The following NAPB variants were observed in gnomAD, a reference collection of about 807,000 sequenced individuals.
NAPB encodes NSF attachment protein beta.
A neutral mutation model predicts 44.7 loss-of-function variants in NAPB; 26 were observed. The observed-to-expected ratio is 0.58, with a 90% confidence interval of 0.43 to 0.81. NAPB has a LOEUF of 0.81. NAPB is among the 30% of genes least tolerant of loss of function. NAPB has a pLI of 0.00. For synonymous variants in NAPB, 120 were observed against 116.8 expected (o/e 1.03, Z -0.18); for missense variants, 315 against 356.4 (o/e 0.88, Z 0.94).
At chr20:23,407,093 A>C (rs1023451324) in intron 1 of NAPB, among the ~76,000 whole-genome samples, 1 of 152,210 alleles carries the variant, frequency 6.6e-6, no homozygotes, top group Non-Finnish European at 1.5e-5. Context: ...GTGACCTTTG[A>C]ACTTTGCTAA....
intron 1 of NAPB, among the ~76,000 whole-genome samples, chr20:23,415,909 T>C (rs1985975229): frequency 6.6e-6 from 1 of 152,120 alleles, no homozygotes; most frequent in Non-Finnish European, 1.5e-5. Flanking sequence ...AAGGTTGAAG[T>C]GAGCAGATAT....
chr20:23,402,665 G>A (rs1984936267), intron 2 of NAPB, among the ~76,000 whole-genome samples: 1 of 152,084 alleles, frequency 6.6e-6, no homozygotes, highest in Non-Finnish European at 1.5e-5. Flanking sequence ...GTGTTTATTT[G>A]AACATATTAG....
At chr20:23,385,119 AAAAC>A (rs1006679333) in intron 7 of NAPB, among the ~76,000 whole-genome samples, 57 of 136,924 alleles carry the variant, frequency 4.2e-4, no homozygotes, top group African/African-American at 1.3e-3. Flanking sequence ...ACTCTGTCTC[AAAAC>A]AAACAAACAA....
intron 2 of NAPB, 118 bp from the exon 3 acceptor site, chr20:23,397,306 A>G: frequency 7.8e-7 from 1 of 1,284,132 alleles, no homozygotes; most frequent in Non-Finnish European, 1.0e-6. Flanking sequence ...CATTCTAGTC[A>G]GAAGCAAAAA....
intron 5 of NAPB, among the ~76,000 whole-genome samples, chr20:23,391,328 A>G (rs1983942881): frequency 1.3e-5 from 2 of 152,118 alleles, no homozygotes; most frequent in Admixed American, 1.3e-4. Context: ...ACAAACAAAC[A>G]AAAAAATAAG....
intron 2 of NAPB, 102 bp from the exon 3 acceptor site, chr20:23,397,290 A>T (rs1984439892): frequency 4.4e-6 from 6 of 1,370,786 alleles, no homozygotes; most frequent in Non-Finnish European, 5.8e-6. Context: ...TTCCACTGAA[A>T]AGAAGCATTC....
chr20:23,417,749 A>T (rs1003617512), intron 1 of NAPB, among the ~76,000 whole-genome samples: 5 of 151,998 alleles, frequency 3.3e-5, no homozygotes, highest in Non-Finnish European at 7.4e-5. Context: ...ACAAACCACC[A>T]CAACAGTGGT....
chr20:23,386,993 A>G (rs145325417), intron 7 of NAPB, among the ~76,000 whole-genome samples: 2 of 152,222 alleles, frequency 1.3e-5, no homozygotes, highest in Middle Eastern at 3.2e-3. Context: ...AAATCAATCA[A>G]TGTAATCTAC....
chr20:23,381,362 A>T (rs761431868), intron 7 of NAPB, 45 bp from the exon 8 acceptor site: 2 of 1,238,658 alleles, frequency 1.6e-6, no homozygotes, highest in Admixed American at 2.4e-5. Flanking sequence ...TTACCCTCTT[A>T]TATCAGGCAA....
rs1982543683 is a variant in NAPB at position 23,376,675 on chromosome 20, A to C, written c.*701T>G. 1 of 152,220 alleles carries C rather than the reference A, an allele frequency of 6.6e-6. No individual in the cohort carries two copies. The highest frequency in any genetic ancestry group is 6.5e-5 in the Admixed American group (1 of 15,282). 9.4% of individuals were successfully genotyped at this position (152,220 alleles called of 1,614,324 possible). ...AATTCCATTTCTAACAGATCTTGTGATATGTGTGTGTGTGTAAACGCGTGT... is the reference window on the plus strand; with the variant it reads ...AATTCCATTTCTAACAGATCTTGTGCTATGTGTGTGTGTGTAAACGCGTGT... On this transcript the variant is annotated 3_prime_UTR_variant, in exon 11 of 11. Coordinates refer to ENST00000377026, the MANE Select transcript of NAPB (RefSeq NM_022080.3).
At position 23,381,336 on chromosome 20, in the gene NAPB, G is replaced by A. The variant is rs747268144; in HGVS notation, c.562-19C>T. 4.7e-6 allele frequency: 7 copies of A among 1,488,548 alleles called. No individual in the cohort carries two copies. The highest frequency in any genetic ancestry group is 2.7e-6 in the Non-Finnish European group (3 of 1,106,696). 92.2% of individuals were successfully genotyped at this position (1,488,548 alleles called of 1,614,324 possible). A position where few individuals can be genotyped will look rare whatever the true frequency, so the allele number is the denominator to read the frequency against. On this transcript the variant is annotated intron_variant, in intron 7 of 10. Transcript: ENST00000377026. ...CCCCAACCTAGGCACAGAACGCAGA[G>A]TTAAATTTAAAAGATTTACCCTCTT...
chr20:23,384,713 A>G (rs1983335267), intron 7 of NAPB, among the ~76,000 whole-genome samples: 2 of 152,252 alleles, frequency 1.3e-5, no homozygotes, highest in Non-Finnish European at 2.9e-5. Flanking sequence ...AATAGAAAGC[A>G]AAAACTAAAA....
intron 2 of NAPB, among the ~76,000 whole-genome samples, chr20:23,401,176 T>G (rs906113132): frequency 1.3e-5 from 2 of 152,108 alleles, no homozygotes; most frequent in Non-Finnish European, 2.9e-5. Context: ...GGGAGCTGGG[T>G]GCACAAGGAA....
At chr20:23,407,384 C>G (rs2253925) in intron 1 of NAPB, among the ~76,000 whole-genome samples, 41,927 of 151,900 alleles carry the variant, frequency 0.28, 5,943 homozygotes, top group Middle Eastern at 0.36. Context: ...CCATATTACG[C>G]AGCAACATAA....
chr20:23,384,212 G>A (rs1983279127), intron 7 of NAPB, among the ~76,000 whole-genome samples: 1 of 152,092 alleles, frequency 6.6e-6, no homozygotes, highest in South Asian at 2.1e-4. Context: ...ATATGAGAGA[G>A]GTCCTGGAAC....
At chr20:23,421,218 G>A in intron 1 of NAPB, 87 bp downstream of exon 1, 1 of 1,182,334 alleles carries the variant, frequency 8.5e-7, no homozygotes, top group Non-Finnish European at 1.2e-6. Flanking sequence ...CAGAGGTTGC[G>A]TGGGGGACTC....
Position 23,376,156 on chromosome 20 carries a change from T to A in NAPB, c.*1220A>T, listed in dbSNP as rs1159094449. 6.6e-6 allele frequency: 1 copy of A among 152,000 alleles called. No homozygotes were observed. Among genetic ancestry groups the A allele is most frequent in the Non-Finnish European group, 1.5e-5 (1 of 68,002 alleles). 9.4% of individuals were successfully genotyped at this position (152,000 alleles called of 1,614,324 possible). On this transcript the variant is annotated 3_prime_UTR_variant, in exon 11 of 11. Transcript: ENST00000377026. ...ATTTCAAATATAAATCATTTAACTA[T>A]AAATATTCAGAGGACATTCAGGAGA...
chr20:23,417,472 T>A (rs908159906), intron 1 of NAPB, among the ~76,000 whole-genome samples: 11 of 152,166 alleles, frequency 7.2e-5, no homozygotes, highest in African/African-American at 2.7e-4. Context: ...GAGGGGATAG[T>A]ATTATAAGAG....
chr20:23,415,852 G>A (rs917037060), intron 1 of NAPB, among the ~76,000 whole-genome samples: 11 of 152,058 alleles, frequency 7.2e-5, no homozygotes, highest in Non-Finnish European at 1.6e-4. Flanking sequence ...TGTAGTCCTA[G>A]CTACTTGGGA....
Sources: allele counts gnomAD v4.1 joint callset (sites outside exome capture counted in the v4.1 genomes callset), GRCh38; gene constraint gnomAD v4.1.1; transcripts MANE v1.5; gene names NCBI Gene and HGNC (gene_info 2026-07-23, HGNC 2026-07-21).